Variants in VTI1A observed in about 807,000 individuals in gnomAD.
The protein encoded by VTI1A is vesicle transport through interaction with t-SNAREs 1A.
In VTI1A, 22 loss-of-function variants were observed where a neutral mutation model predicts 34.9. The ratio of observed to expected loss-of-function variants is 0.63; its 90% CI spans 0.45 to 0.90. The LOEUF (loss-of-function observed/expected upper bound fraction) is 0.90, where lower values mean the gene tolerates loss of function less well. Among genes scored for constraint, VTI1A ranks in the 40% least tolerant of loss-of-function variants. VTI1A has a pLI of 0.00. For synonymous variants in VTI1A, 87 were observed against 97.3 expected (o/e 0.89, Z 0.62); for missense variants, 268 against 275.6 (o/e 0.97, Z 0.20).
intron 7 of VTI1A, among the ~76,000 whole-genome samples, chr10:112,734,513 C>CT (rs1850384989): frequency 1.3e-5 from 2 of 152,082 alleles, no homozygotes; most frequent in South Asian, 4.1e-4. Flanking sequence ...ATCATAATAC[C>CT]TATCACAGCC....
chr10:112,758,795 A>G (rs1402287471), intron 7 of VTI1A, among the ~76,000 whole-genome samples: 1 of 152,236 alleles, frequency 6.6e-6, no homozygotes, highest in Non-Finnish European at 1.5e-5. Flanking sequence ...CCCATGCCCC[A>G]TTCTCAATGC....
intron 5 of VTI1A, among the ~76,000 whole-genome samples, chr10:112,621,925 C>G (rs1360740402): frequency 6.6e-6 from 1 of 152,176 alleles, no homozygotes; most frequent in Admixed American, 6.5e-5. Context: ...GTCCACCGTC[C>G]TTGGCTCCGT....
At chr10:112,657,888 C>T (rs1564870492) in intron 5 of VTI1A, among the ~76,000 whole-genome samples, 1 of 151,948 alleles carries the variant, frequency 6.6e-6, no homozygotes, top group Non-Finnish European at 1.5e-5. Flanking sequence ...ATGCCTTGTC[C>T]TCCACATTGT....
chr10:112,547,993 A>C (rs1008438861), intron 5 of VTI1A, among the ~76,000 whole-genome samples: 1 of 152,196 alleles, frequency 6.6e-6, no homozygotes, highest in Non-Finnish European at 1.5e-5. Context: ...ATCAGCTAAA[A>C]TGTGCTTCAT....
At chr10:112,533,156 T>C (rs982688265) in intron 4 of VTI1A, among the ~76,000 whole-genome samples, 5 of 152,104 alleles carry the variant, frequency 3.3e-5, no homozygotes, top group Admixed American at 1.3e-4. Flanking sequence ...AAAACTTGTA[T>C]ATACAAAACC....
chr10:112,534,464 A>T (rs1850553305), intron 4 of VTI1A, among the ~76,000 whole-genome samples: 1 of 152,028 alleles, frequency 6.6e-6, no homozygotes, highest in South Asian at 2.1e-4. Context: ...TTTGAGTTTA[A>T]TTTGACTGCA....
chr10:112,794,534 A>G (rs1852606599), intron 7 of VTI1A, among the ~76,000 whole-genome samples: 1 of 152,160 alleles, frequency 6.6e-6, no homozygotes, highest in South Asian at 2.1e-4. Context: ...CCTGGGCAAC[A>G]GAGTGAGACT....
At chr10:112,492,597 C>A (rs1361150514) in intron 3 of VTI1A, among the ~76,000 whole-genome samples, 1 of 152,018 alleles carries the variant, frequency 6.6e-6, no homozygotes, top group Non-Finnish European at 1.5e-5. Context: ...ACCATCCTGG[C>A]CAACATGGTG....
In VTI1A at chr10:112,546,112, A is replaced by G. The variant is rs147145689; in HGVS notation, c.427+7782A>G. Reference sequence around the variant, plus strand: ...CGTATGTGTGTATATACGTGTATACACGTGTGTGTGTATTTTGCATATATA... The same window carrying G: ...CGTATGTGTGTATATACGTGTATACGCGTGTGTGTGTATTTTGCATATATA... On this transcript the variant is annotated intron_variant, in intron 5 of 7. Transcript: ENST00000393077. Among the ~76,000 whole-genome samples, 80 of 142,814 alleles carry G rather than the reference A, an allele frequency of 5.6e-4. 1 individual carries two copies. Among genetic ancestry groups the G allele is most frequent in the East Asian group, 2.5e-3 (12 of 4,772 alleles). The allele number at this position is 142,814 out of a possible 152,430, so 93.7% of individuals were successfully genotyped here. A position where few individuals can be genotyped will look rare whatever the true frequency, so the allele number is the denominator to read the frequency against.
chr10:112,635,549 T>C (rs958559626), intron 5 of VTI1A, among the ~76,000 whole-genome samples: 14 of 152,156 alleles, frequency 9.2e-5, no homozygotes, highest in African/African-American at 3.4e-4. Flanking sequence ...AGTGGTGTTT[T>C]AGGAAGATTT....
At chr10:112,540,597 AC>A (rs2099185619) in intron 5 of VTI1A, among the ~76,000 whole-genome samples, 1 of 152,188 alleles carries the variant, frequency 6.6e-6, no homozygotes, top group East Asian at 1.9e-4. Context: ...GAAGGCAGGG[AC>A]AAAGCATTTT....
At chr10:112,549,414 G>A (rs182647345) in intron 5 of VTI1A, among the ~76,000 whole-genome samples, 3 of 152,316 alleles carry the variant, frequency 2.0e-5, no homozygotes, top group Non-Finnish European at 2.9e-5. Flanking sequence ...CACTGATTCA[G>A]ATTATTAGCT....
chr10:112,455,665 C>CCCTTCCTTCCTTCCTT (rs144913637), intron 1 of VTI1A, among the ~76,000 whole-genome samples: 1 of 125,112 alleles, frequency 8.0e-6, no homozygotes, highest in Non-Finnish European at 1.6e-5. Flanking sequence ...CTCCCTTCCT[C>CCCTTCCTTCCTTCCTT]CCTTCCTTCC....
chr10:112,471,974 T>C (rs1848105228), intron 3 of VTI1A, among the ~76,000 whole-genome samples: 1 of 152,204 alleles, frequency 6.6e-6, no homozygotes, highest in South Asian at 2.1e-4. Context: ...AAGTAAGTGG[T>C]GTGCTGGTAT....
intron 5 of VTI1A, among the ~76,000 whole-genome samples, chr10:112,640,402 T>C (rs1846521689): frequency 6.6e-6 from 1 of 152,182 alleles, no homozygotes; most frequent in Non-Finnish European, 1.5e-5. Context: ...GACTAAAATC[T>C]TATTTTGCCC....
chr10:112,797,703 TGTTTG>T (rs1232326818), intron 7 of VTI1A, among the ~76,000 whole-genome samples: 2 of 151,948 alleles, frequency 1.3e-5, no homozygotes, highest in East Asian at 3.9e-4. Context: ...GAGGATTTTT[TGTTTG>T]TTTGTTTTCT....
chr10:112,489,896 C>T (rs537376077), intron 3 of VTI1A, among the ~76,000 whole-genome samples: 9 of 152,270 alleles, frequency 5.9e-5, no homozygotes, highest in African/African-American at 2.2e-4. Context: ...TGATCAAATT[C>T]CTCACAATAA....
chr10:112,539,534 A>C (rs548222521), intron 5 of VTI1A, among the ~76,000 whole-genome samples: 1 of 152,200 alleles, frequency 6.6e-6, no homozygotes, highest in African/African-American at 2.4e-5. Context: ...GGATTGGAAT[A>C]AAAGCCAGCT....
chr10:112,768,372 C>T (rs572697194), intron 7 of VTI1A, among the ~76,000 whole-genome samples: 1 of 152,212 alleles, frequency 6.6e-6, no homozygotes, highest in East Asian at 1.9e-4. Context: ...AGCATAAGAC[C>T]AAAATAGAAG....
Sources: gnomAD v4.1 joint callset for allele counts (sites outside exome capture counted in the v4.1 genomes callset) on GRCh38, gnomAD v4.1.1 for gene constraint, MANE v1.5 for transcripts, NCBI Gene and HGNC (gene_info 2026-07-23, HGNC 2026-07-21) for gene names.